The following A2M variants were observed in gnomAD, a reference collection of about 807,000 sequenced individuals.
A2M encodes the protein alpha-2-macroglobulin.
A2M carries 128 observed loss-of-function variants against 183.9 expected under a neutral mutation model. The ratio of observed to expected loss-of-function variants is 0.70; its 90% CI spans 0.60 to 0.81. A2M has a LOEUF of 0.81. Ranked by LOEUF, A2M falls within the 30% of genes least tolerant of loss-of-function variation. A2M has a pLI of 0.00. For missense variants in A2M, 1,495 were observed against 1,787.6 expected (o/e 0.84, Z 2.95); for synonymous variants, 592 against 670.8 (o/e 0.88, Z 1.81).
At chr12:9,079,067 T>C (rs1355255318) in intron 25 of A2M, among the ~76,000 whole-genome samples, 177 bp downstream of exon 25, 1 of 152,058 alleles carries the variant, frequency 6.6e-6, no homozygotes, top group Non-Finnish European at 1.5e-5. Context: ...ACATAACATG[T>C]ATTTGGATAT....
intron 2 of A2M, 120 bp downstream of exon 2, chr12:9,113,240 A>T: frequency 1.0e-6 from 1 of 980,852 alleles, no homozygotes; most frequent in Non-Finnish European, 1.5e-6. Context: ...TTAGTTTGCT[A>T]CATTTGGATT....
chr12:9,076,780 G>A lies in A2M; in HGVS notation c.3508C>T (p.Leu1170Phe), dbSNP rs1445872993. Residue 1170 changes from leucine (L) to phenylalanine (F), a missense_variant, in exon 28 of 36, where the codon CTT becomes TTT. Transcript: ENST00000318602. The part of the protein sequence containing the change: ...QDKRKEVLKS[L>F]NEEAVKKDNS... ...CCTTTCTTCACAGCTTCCTCATTAA[G>A]TGACTTGAGTACTTCCTTCCTCTTG... 3.7e-6 allele frequency: 6 copies of A among 1,613,888 alleles called. No individual in the cohort carries two copies. Among genetic ancestry groups the A allele is most frequent in the Non-Finnish European group, 5.1e-6 (6 of 1,179,844 alleles).
At chr12:9,068,949 A>G in intron 33 of A2M, 107 bp from the exon 34 acceptor site, 2 of 692,016 alleles carry the variant, frequency 2.9e-6, no homozygotes, top group Non-Finnish European at 4.8e-6. Context: ...ATTATCCTAC[A>G]GCACACTATA....
chr12:9,111,086 C>T (rs1938692311), intron 4 of A2M, among the ~76,000 whole-genome samples: 1 of 151,988 alleles, frequency 6.6e-6, no homozygotes, highest in Admixed American at 6.6e-5. Flanking sequence ...GGACATATTT[C>T]ATTAATAAAT....
rs756070010 is a variant in A2M, at chr12:9,102,414, C to A, written c.1267-740G>T. ...TATATTTTGTAGAGACAGGGTTTCA[C>A]CACGTTGCCTAGGCTCGTCTCGATC... On this transcript the variant is annotated intron_variant, in intron 11 of 35. Transcript: ENST00000318602. Among the ~76,000 whole-genome samples the A allele has an allele frequency of 2.6e-5, 4 of 152,226 alleles. No individual in the cohort carries two copies. The South Asian group carries it at 8.3e-4, about 32-fold the overall frequency.
chr12:9,097,920 C>T (rs1949434050), intron 15 of A2M, among the ~76,000 whole-genome samples: 1 of 152,198 alleles, frequency 6.6e-6, no homozygotes, highest in South Asian at 2.1e-4. Flanking sequence ...CGTGAGCCAC[C>T]AGGCCCAGCC....
intron 22 of A2M, among the ~76,000 whole-genome samples, chr12:9,085,919 T>A (rs1052613325): frequency 6.6e-6 from 1 of 152,136 alleles, no homozygotes; most frequent in African/African-American, 2.4e-5. Flanking sequence ...TTCCTAGACA[T>A]ATACATACTA....
chr12:9,090,821 T>C (rs1949188224), intron 19 of A2M, among the ~76,000 whole-genome samples: 1 of 152,200 alleles, frequency 6.6e-6, no homozygotes, highest in Non-Finnish European at 1.5e-5. Flanking sequence ...TAAACAGTTA[T>C]GGTTTCAGCA....
chr12:9,068,761 C>T lies in A2M; in HGVS notation c.4345G>A (p.Val1449Ile), dbSNP rs1458581664. ...VRDLKPAIVK[V>I]YDYYETDEFA... ...TCACCCGTCTCGTAGTAATCATAGA[C>T]TTTCACTATGGCTGGTTTCAGATCT... The change falls in exon 34 of 36, where the codon GTC becomes ATC. Residue 1449 changes from valine (V) to isoleucine (I), a missense_variant. Transcript: ENST00000318602. 1.9e-6 allele frequency: 3 copies of T among 1,606,740 alleles called. No homozygotes were observed. Among genetic ancestry groups the T allele is most frequent in the Non-Finnish European group, 2.6e-6 (3 of 1,176,346 alleles).
intron 32 of A2M, 114 bp from the exon 33 acceptor site, chr12:9,069,927 C>T: frequency 2.3e-6 from 2 of 869,462 alleles, no homozygotes; most frequent in Non-Finnish European, 1.9e-6. Flanking sequence ...TCTTCAAATG[C>T]TTTTTGTAAG....
chr12:9,086,698 A>G (rs1392885229), intron 22 of A2M, among the ~76,000 whole-genome samples: 1 of 152,224 alleles, frequency 6.6e-6, no homozygotes, highest in African/African-American at 2.4e-5. Flanking sequence ...ACAGTGGAAA[A>G]TTGAAAGACT....
At chr12:9,092,892 G>A (rs917710471) in intron 18 of A2M, among the ~76,000 whole-genome samples, 60 of 152,310 alleles carry the variant, frequency 3.9e-4, no homozygotes, top group African/African-American at 1.4e-3. Context: ...TAAATAAATT[G>A]TGGCTATGCG....
intron 19 of A2M, 100 bp from the exon 20 acceptor site, chr12:9,090,582 G>T: frequency 3.1e-6 from 4 of 1,285,784 alleles, no homozygotes; most frequent in South Asian, 1.4e-5. Flanking sequence ...ATTTCAGGTT[G>T]CCTCACATTA....
At chr12:9,088,304 T>G (rs965754484) in intron 22 of A2M, among the ~76,000 whole-genome samples, 3 of 152,002 alleles carry the variant, frequency 2.0e-5, no homozygotes, top group African/African-American at 7.2e-5. Flanking sequence ...GGTAGGCACA[T>G]TTGATTATGT....
chr12:9,109,177 A>G lies in A2M; in HGVS notation c.758+144T>C. The G allele has an allele frequency of 6.5e-6, 4 of 616,800 alleles. No individual in the cohort carries two copies. The South Asian group carries it at 8.4e-5, about 13-fold the overall frequency. The allele number at this position is 616,800 out of a possible 1,614,324, so 38.2% of individuals were successfully genotyped here. A position where few individuals can be genotyped will look rare whatever the true frequency, so the allele number is the denominator to read the frequency against. On this transcript the variant is annotated intron_variant, in intron 7 of 35. Transcript: ENST00000318602. ...ATAAAAATAGAAAAGCAACAGGAGA[A>G]TAACATTCTACAGATGAGGATGCTG...
chr12:9,110,301 T>G lies in A2M; in HGVS notation c.504+13A>C. ...TGCTTTCCTTTTAATATGGAATGTT[T>G]CATGTTGCTTACCTGAATGTATACT... On this transcript the variant is annotated intron_variant, in intron 5 of 35. Coordinates refer to ENST00000318602, the MANE Select transcript of A2M (RefSeq NM_000014.6). 3 of 1,467,948 alleles carry G rather than the reference T, an allele frequency of 2.0e-6. No individual in the cohort carries two copies. Among genetic ancestry groups the G allele is most frequent in the Non-Finnish European group, 2.8e-6 (3 of 1,082,510 alleles). The allele number at this position is 1,467,948 out of a possible 1,614,324, so 90.9% of individuals were successfully genotyped here.
intron 4 of A2M, chr12:9,111,388 CT>C (rs1250281837): frequency 1.4e-5 from 5 of 361,778 alleles, no homozygotes; most frequent in Non-Finnish European, 2.2e-5. Context: ...GGTGTGGTGC[CT>C]CATTTTAGAC....
At position 9,080,661 on chromosome 12, in the gene A2M, T is replaced by C. The variant is rs759409189; in HGVS notation, c.2771-484A>G. Among the ~76,000 whole-genome samples the C allele has an allele frequency of 1.7e-3, 255 of 152,350 alleles. 1 individual carries two copies. The highest frequency in any genetic ancestry group is 2.0e-3 in the Non-Finnish European group (135 of 68,028). The stretch of plus-strand genomic sequence containing the variant: ...TTTCTTCAAATTTCATATACAAAGA[T>C]AGTATTTTTATGGAAAACCTAGAAA... On this transcript the variant is annotated intron_variant, in intron 22 of 35. Transcript: ENST00000318602.
chr12:9,115,656 T>C, intron 1 of A2M, 108 bp downstream of exon 1: 1 of 800,830 alleles, frequency 1.2e-6, no homozygotes, highest in Non-Finnish European at 2.1e-6. Flanking sequence ...ATCTTAGAGA[T>C]AAGAAGATGA....
Sources: allele counts gnomAD v4.1 joint callset (sites outside exome capture counted in the v4.1 genomes callset), GRCh38; gene constraint gnomAD v4.1.1; transcripts MANE v1.5; gene names NCBI Gene and HGNC (gene_info 2026-07-23, HGNC 2026-07-21).